The following CD36 variants were observed in gnomAD, a reference collection of about 807,000 sequenced individuals.
The protein encoded by CD36 is platelet glycoprotein 4.
In CD36, 119 loss-of-function variants were observed where a neutral mutation model predicts 55.2. That is an observed-to-expected ratio of 2.15 (90% CI 1.86 to 2.51). The LOEUF is 2.51. Ranked by LOEUF, CD36 falls within the 30% of genes most tolerant of loss-of-function variation. The pLI, the probability that CD36 is intolerant of heterozygous loss-of-function variation, is 0.00. For synonymous variants in CD36, 186 were observed against 193.6 expected (o/e 0.96, Z 0.33); for missense variants, 819 against 555.5 (o/e 1.47, Z -4.77).
chr7:80,632,286 A>G (rs1794120767), intron 1 of CD36, among the ~76,000 whole-genome samples: 2 of 151,746 alleles, frequency 1.3e-5, no homozygotes, highest in South Asian at 2.1e-4. Context: ...CAGAACAAGA[A>G]TGGTATCACA....
In CD36 at chr7:80,646,666, G is replaced by C; in HGVS notation, c.-75G>C. 1.3e-6 allele frequency: 2 copies of C among 1,571,086 alleles called. No homozygotes were observed. Among genetic ancestry groups the C allele is most frequent in the Non-Finnish European group, 1.8e-6 (2 of 1,141,590 alleles). On this transcript the variant is annotated 5_prime_UTR_variant, in exon 3 of 15. Transcript: ENST00000447544. ...TCTAATGATAGAACCAGAGCTTGTA[G>C]AAACCACTTTAATCATATCCAGGAG...
At chr7:80,664,371 TGTA>T in intron 6 of CD36, 32 bp from the exon 7 acceptor site, 1 of 1,125,282 alleles carries the variant, frequency 8.9e-7, no homozygotes, top group East Asian at 2.4e-5. Context: ...AAAAATGACT[TGTA>T]GAAGTAACAT....
chr7:80,666,580 G>C (rs897068273), intron 8 of CD36, 91 bp downstream of exon 8: 1 of 1,001,012 alleles, frequency 1.0e-6, no homozygotes, highest in African/African-American at 1.6e-5. Flanking sequence ...GAAAGTTGAG[G>C]GTGTGTGTTT....
chr7:80,670,691 A>G (rs2116851508), intron 9 of CD36: 1 of 410,414 alleles, frequency 2.4e-6, no homozygotes, highest in East Asian at 5.0e-5. Flanking sequence ...ATCACAAATA[A>G]AGTATTTGAA....
intron 6 of CD36, among the ~76,000 whole-genome samples, 185 bp from the exon 7 acceptor site, chr7:80,664,221 A>G (rs974840479): frequency 1.3e-5 from 2 of 152,106 alleles, no homozygotes; most frequent in African/African-American, 4.8e-5. Context: ...TTGTCACAGC[A>G]TCTAGCACTT....
intron 1 of CD36, among the ~76,000 whole-genome samples, chr7:80,633,032 C>G (rs753212257): frequency 1.3e-4 from 19 of 151,900 alleles, no homozygotes; most frequent in Non-Finnish European, 7.4e-5. Context: ...TTCATCACAC[C>G]ATGCTTTGAG....
intron 1 of CD36, among the ~76,000 whole-genome samples, chr7:80,642,598 G>T (rs1177365456): frequency 1.3e-5 from 2 of 152,110 alleles, no homozygotes; most frequent in African/African-American, 4.8e-5. Flanking sequence ...TAAGGATAGA[G>T]TATGATTATA....
Position 80,604,350 on chromosome 7 carries a change from A to ATTTTTTTTT in CD36, c.-184+2003_-184+2011dup, listed in dbSNP as rs67213422. ...TACAGTAATTGGCTAAGCCACTGGA[A>ATTTTTTTTT]TTTTTTTTTTTTTTTTTTTTTTTTT... On this transcript the variant is annotated intron_variant, in intron 1 of 13. Transcript: ENST00000309881. Among the ~76,000 whole-genome samples the ATTTTTTTTT allele has an allele frequency of 1.4e-3, 74 of 54,290 alleles. 16 individuals carry two copies. Among genetic ancestry groups the ATTTTTTTTT allele is most frequent in the African/African-American group, 1.8e-3 (34 of 18,902 alleles). The allele number at this position is 54,290 out of a possible 152,430, so 35.6% of individuals were successfully genotyped here.
intron 3 of CD36, 131 bp downstream of exon 3, chr7:80,646,991 G>A (rs1033590306): frequency 1.9e-5 from 18 of 942,350 alleles, no homozygotes; most frequent in African/African-American, 3.3e-5. Context: ...AGGTAATTAT[G>A]AACCACTGCA....
At chr7:80,647,850 T>C (rs1157664329) in intron 3 of CD36, among the ~76,000 whole-genome samples, 1 of 152,180 alleles carries the variant, frequency 6.6e-6, no homozygotes, top group Non-Finnish European at 1.5e-5. Flanking sequence ...TTCAACTCTC[T>C]ACCTGGTTAG....
intron 14 of CD36, among the ~76,000 whole-genome samples, chr7:80,675,086 C>A (rs1798105253): frequency 6.6e-6 from 1 of 152,080 alleles, no homozygotes. Flanking sequence ...AGATGGAGAG[C>A]TTGTGTTTGA....
Position 80,677,623 on chromosome 7 carries a change from A to AC in CD36, c.*1240_*1241insC. ...AAAAGAAGTATCTGTCCAAGATATT[A>AC]ATATGTAAGATAACATTGTAGACAT... On this transcript the variant is annotated 3_prime_UTR_variant, in exon 15 of 15. Transcript: ENST00000447544. 1 of 152,306 alleles carries AC rather than the reference A, an allele frequency of 6.6e-6. No individual in the cohort carries two copies. Among genetic ancestry groups the AC allele is most frequent in the East Asian group, 1.9e-4 (1 of 5,172 alleles). 9.4% of individuals were successfully genotyped at this position (152,306 alleles called of 1,614,324 possible). A position where few individuals can be genotyped will look rare whatever the true frequency, so the allele number is the denominator to read the frequency against.
Position 80,661,055 on chromosome 7 carries a change from T to C in CD36, c.282-8T>C. The C allele has an allele frequency of 6.2e-7, 1 of 1,607,992 alleles. No individual in the cohort carries two copies. Among genetic ancestry groups the C allele is most frequent in the Non-Finnish European group, 8.5e-7 (1 of 1,174,426 alleles). ...TGTTTTGAATTTTGTTTACTGCTAT[T>C]TCTTTAGAGTTCGTTTTCTAGCCAA... On this transcript the variant is annotated splice_region_variant and splice_polypyrimidine_tract_variant and intron_variant, in intron 4 of 14. Transcript: ENST00000447544.
intron 2 of CD36, 154 bp from the exon 3 acceptor site, chr7:80,646,498 C>G: frequency 2.0e-6 from 1 of 497,004 alleles, no homozygotes. Flanking sequence ...AAAAGGGAGA[C>G]GGACCGAGGA....
chr7:80,673,034 T>A, intron 12 of CD36, 191 bp downstream of exon 12: 1 of 580,468 alleles, frequency 1.7e-6, no homozygotes. Context: ...TTTATGGTTT[T>A]ATTTGAGCAT....
Position 80,673,382 on chromosome 7 carries a change from T to C in CD36, c.1227T>C (p.Tyr409=). ...TATTAAAGAATCTGAAGAGGAACTA[T>C]ATTGTGCCTATTCTTTGGCTTAATG... ...IQVLKNLKRN[Y]IVPILWLNET... Residue 409 remains tyrosine, a synonymous_variant, in exon 13 of 15, where the codon TAT becomes TAC. Transcript: ENST00000447544. 3.2e-6 allele frequency: 5 copies of C among 1,565,516 alleles called. No homozygotes were observed. Among genetic ancestry groups the C allele is most frequent in the Non-Finnish European group, 3.5e-6 (4 of 1,137,038 alleles).
Position 80,663,124 on chromosome 7 carries a change from T to A in CD36, c.564T>A (p.Ser188Arg). Reference protein sequence around the residue: ...LLWGYRDPFLSLVPYPVTTTV... With the variant: ...LLWGYRDPFLRLVPYPVTTTV... ...GGGGCTATAGGGATCCATTTTTGAGTTTGGTTCCGTACCCTGTTACTACCA... is the reference window on the plus strand; with the variant it reads ...GGGGCTATAGGGATCCATTTTTGAGATTGGTTCCGTACCCTGTTACTACCA... The change falls in exon 6 of 15, where the codon AGT (serine) becomes AGA (arginine). Residue 188 changes from serine to arginine, a missense_variant. Transcript: ENST00000447544. The A allele has an allele frequency of 6.2e-7, 1 of 1,613,778 alleles. No individual in the cohort carries two copies. Among genetic ancestry groups the A allele is most frequent in the Non-Finnish European group, 8.5e-7 (1 of 1,179,826 alleles).
In CD36 at chr7:80,678,873, T is replaced by A. The variant is rs1207997455; in HGVS notation, c.*2490T>A. On this transcript the variant is annotated 3_prime_UTR_variant, in exon 15 of 15. Transcript: ENST00000447544. ...AAAAAAACAGTATGCACGTACAAAT[T>A]TCTTAACCTGTTATCAATGTCTGAG... 6.6e-6 allele frequency: 1 copy of A among 152,074 alleles called. No homozygotes were observed. Among genetic ancestry groups the A allele is most frequent in the Non-Finnish European group, 1.5e-5 (1 of 68,022 alleles). The allele number at this position is 152,074 out of a possible 1,614,324, so 9.4% of individuals were successfully genotyped here.
chr7:80,625,135 A>G (rs957291385), intron 1 of CD36: 2 of 152,172 alleles, frequency 1.3e-5, no homozygotes, highest in African/African-American at 2.4e-5. Flanking sequence ...AAAATTAGCC[A>G]TTAAAGACAG....
Sources: allele counts gnomAD v4.1 joint callset (sites outside exome capture counted in the v4.1 genomes callset), GRCh38; gene constraint gnomAD v4.1.1; transcripts MANE v1.5; gene names NCBI Gene and HGNC (gene_info 2026-07-23, HGNC 2026-07-21).